Variants in HERC4 observed in about 807,000 individuals in gnomAD.
The protein encoded by HERC4 is probable E3 ubiquitin-protein ligase HERC4.
A neutral mutation model predicts 124.3 loss-of-function variants in HERC4; 28 were observed. That is an observed-to-expected ratio of 0.23 (90% CI 0.17 to 0.31). The LOEUF (loss-of-function observed/expected upper bound fraction) is 0.31, where lower values mean the gene tolerates loss of function less well. HERC4 is among the 10% of genes least tolerant of loss of function. The pLI is 1.00. For missense variants in HERC4, 713 were observed against 1,229.3 expected, an observed-to-expected ratio of 0.58 and a Z score of 6.28; for synonymous variants, 407 against 421.5, an observed-to-expected ratio of 0.97 and a Z score of 0.42.
At chr10:67,987,011 A>G (rs1332993744) in intron 15 of HERC4, among the ~76,000 whole-genome samples, 3 of 152,220 alleles carry the variant, frequency 2.0e-5, no homozygotes, top group Non-Finnish European at 4.4e-5. Flanking sequence ...AGGGTTTTAA[A>G]GTTAAATATA....
chr10:68,003,735 AC>A (rs2037377303), intron 9 of HERC4, among the ~76,000 whole-genome samples: 1 of 152,128 alleles, frequency 6.6e-6, no homozygotes, highest in African/African-American at 2.4e-5. Flanking sequence ...GTATATATAC[AC>A]CACATTTTCT....
chr10:67,997,830 T>G (rs566380705), intron 9 of HERC4, among the ~76,000 whole-genome samples: 35 of 152,282 alleles, frequency 2.3e-4, no homozygotes, highest in African/African-American at 8.4e-4. Flanking sequence ...GGAAGAAACA[T>G]AGTCGGCCCT....
Position 68,072,894 on chromosome 10 carries a change from C to T in HERC4, c.215G>A (p.Arg72Lys), listed in dbSNP as rs1317710352. Residue 72 changes from arginine to lysine, a missense_variant, in exon 3 of 25, where the codon AGA becomes AAA. Transcript: ENST00000373700. ...DLGQLGHEKS[R>K]KKPEQVVALD... ...ACATTTCAACTTACCTGGTTTCTTTCTGGATTTTTCATGACCTAGCTGTCC... is the reference window on the plus strand; with the variant it reads ...ACATTTCAACTTACCTGGTTTCTTTTTGGATTTTTCATGACCTAGCTGTCC... 16 of 1,549,962 alleles carry T rather than the reference C, an allele frequency of 1.0e-5. No individual in the cohort carries two copies. The highest frequency in any genetic ancestry group is 1.4e-5 in the African/African-American group (1 of 72,230).
chr10:67,997,963 G>A (rs1182239028), intron 9 of HERC4, among the ~76,000 whole-genome samples: 1 of 152,080 alleles, frequency 6.6e-6, no homozygotes, highest in Non-Finnish European at 1.5e-5. Context: ...GTGCAGTGGT[G>A]TGATCTTGGC....
intron 4 of HERC4, 144 bp from the exon 5 acceptor site, chr10:68,038,313 CA>C: frequency 2.5e-6 from 1 of 395,756 alleles, no homozygotes; most frequent in Non-Finnish European, 4.5e-6. Flanking sequence ...TTTAGCGTAC[CA>C]AAAATTTATG....
intron 3 of HERC4, among the ~76,000 whole-genome samples, chr10:68,051,522 G>GT (rs898634156): frequency 1.6e-3 from 238 of 145,316 alleles, no homozygotes; most frequent in Non-Finnish European, 2.2e-3. Flanking sequence ...TTTTTTTTTG[G>GT]TTTTTTTTTT....
rs1408045473 is a variant in HERC4 at position 68,044,515 on chromosome 10, C to T, written c.275G>A (p.Gly92Glu). Residue 92 changes from glycine to glutamate, a missense_variant, in exon 4 of 25, where the codon GGA becomes GAA. Transcript: ENST00000373700. ...ATTTAGCGCTAACGTATGAGCTTCT[C>T]CACATGAAACAGCTACAATATTTTG... Reference protein sequence around the residue: ...DAQNIVAVSCGEAHTLALNDK... With the variant: ...DAQNIVAVSCEEAHTLALNDK... 6.2e-7 allele frequency: 1 copy of T among 1,614,098 alleles called. No homozygotes were observed. Among genetic ancestry groups the T allele is most frequent in the South Asian group, 1.1e-5 (1 of 91,074 alleles).
chr10:67,941,916 A>C (rs906444861), intron 19 of HERC4, among the ~76,000 whole-genome samples: 3 of 152,058 alleles, frequency 2.0e-5, no homozygotes, highest in Non-Finnish European at 2.9e-5. Flanking sequence ...TCAGCCTCCC[A>C]AAGTGCTGGG....
chr10:68,037,954 A>C (rs2039564006), intron 5 of HERC4, 139 bp downstream of exon 5: 1 of 577,498 alleles, frequency 1.7e-6, no homozygotes, highest in African/African-American at 2.0e-5. Context: ...GCTAATTCTA[A>C]AAGTTATATG....
rs1056124151 is a variant in HERC4 at position 68,012,279 on chromosome 10, T to C, written c.1069+1747A>G. ...AGTAGCACTTTTAATTCCTTTAAGTTGCATTAACAACTTGGATAACTGGCA... is the reference window on the plus strand; with the variant it reads ...AGTAGCACTTTTAATTCCTTTAAGTCGCATTAACAACTTGGATAACTGGCA... On this transcript the variant is annotated intron_variant, in intron 9 of 24. Transcript: ENST00000373700. Among the ~76,000 whole-genome samples the C allele has an allele frequency of 4.2e-4, 64 of 152,224 alleles. 4 individuals are homozygous for C. The highest frequency in any genetic ancestry group is 2.9e-5 in the Non-Finnish European group (2 of 68,034).
At chr10:67,939,710 T>C in intron 20 of HERC4, 56 bp from the exon 21 acceptor site, 1 of 944,188 alleles carries the variant, frequency 1.1e-6, no homozygotes, top group East Asian at 2.5e-5. Context: ...ATTTTGACTA[T>C]TTTACTTATG....
intron 3 of HERC4, among the ~76,000 whole-genome samples, chr10:68,059,818 TATATCATA>T: frequency 2.6e-5 from 2 of 76,072 alleles, no homozygotes; most frequent in African/African-American, 1.9e-4. Context: ...TATAATATTA[TATATCATA>T]ATATTATATA....
chr10:68,050,320 T>C (rs1007650571), intron 3 of HERC4, among the ~76,000 whole-genome samples: 7 of 152,238 alleles, frequency 4.6e-5, no homozygotes, highest in Non-Finnish European at 1.0e-4. Flanking sequence ...GTTTGAACCA[T>C]GTGAATATAT....
At chr10:67,991,045 G>T (rs542595815) in intron 12 of HERC4, 30 bp from the exon 13 acceptor site, 3 of 1,342,952 alleles carry the variant, frequency 2.2e-6, no homozygotes, top group Non-Finnish European at 3.0e-6. Context: ...AAAAAAAATA[G>T]AATAAAAATT....
chr10:68,032,915 A>G, intron 6 of HERC4, 46 bp from the exon 7 acceptor site: 1 of 988,140 alleles, frequency 1.0e-6, no homozygotes, highest in South Asian at 1.3e-5. Context: ...AAAAATCAAA[A>G]CTCATCTAGA....
In HERC4 at chr10:67,925,137, A is replaced by T; in HGVS notation, c.2889T>A (p.Ile963=). The T allele has an allele frequency of 6.2e-7, 1 of 1,607,260 alleles. No homozygotes were observed. The highest frequency in any genetic ancestry group is 8.5e-7 in the Non-Finnish European group (1 of 1,174,110). ...EYWAEHPTIK[I]FWEVFHELPL... ...GTAATTCGTGAAATACTTCCCAAAA[A>T]ATTTTTATCGTAGGATGTTCTGCCC... Residue 963 remains isoleucine (I), a synonymous_variant, in exon 24 of 25, where the codon ATT becomes ATA. Transcript: ENST00000373700.
intron 3 of HERC4, among the ~76,000 whole-genome samples, chr10:68,051,894 C>T (rs1422685599): frequency 2.6e-5 from 4 of 151,514 alleles, no homozygotes; most frequent in African/African-American, 9.7e-5. Context: ...ATCTCGAACT[C>T]GTGAGCTCAA....
chr10:67,968,653 G>A (rs1166008659), intron 15 of HERC4, among the ~76,000 whole-genome samples: 2 of 152,050 alleles, frequency 1.3e-5, no homozygotes, highest in Non-Finnish European at 2.9e-5. Flanking sequence ...GGGATTACAG[G>A]TGTGAGCCAC....
At position 67,955,026 on chromosome 10, in the gene HERC4, A is replaced by T. The variant is rs372398240; in HGVS notation, c.2130T>A (p.Ile710=). ...CLILVVRREN[I]VGDAMEVLRK... ...TAAGGACTTCCATTGCATCTCCTAC[A>T]ATATTTTCTCTACGCACCACTAGAA... The change falls in exon 18 of 25, where the codon ATT becomes ATA. Residue 710 remains isoleucine, a synonymous_variant. Transcript: ENST00000373700. 6.2e-7 allele frequency: 1 copy of T among 1,600,360 alleles called. No homozygotes were observed. The highest frequency in any genetic ancestry group is 1.4e-5 in the African/African-American group (1 of 73,740).
Sources: allele counts gnomAD v4.1 joint callset (sites outside exome capture counted in the v4.1 genomes callset), GRCh38; gene constraint gnomAD v4.1.1; transcripts MANE v1.5; gene names NCBI Gene and HGNC (gene_info 2026-07-23, HGNC 2026-07-21).